Variants in ADGRF1 observed in about 807,000 individuals in gnomAD.
The protein encoded by ADGRF1 is G protein-coupled receptor 110.
A neutral mutation model predicts 87.2 loss-of-function variants in ADGRF1; 85 were observed. The ratio of observed to expected loss-of-function variants is 0.97; its 90% CI spans 0.82 to 1.17. The LOEUF is 1.17. Ranked by LOEUF, ADGRF1 falls within the 50% of genes most tolerant of loss-of-function variation. The pLI, the probability that ADGRF1 is intolerant of heterozygous loss-of-function variation, is 0.00. For missense variants in ADGRF1, 1,169 were observed against 1,077.2 expected, an observed-to-expected ratio of 1.09 and a Z score of -1.19; for synonymous variants, 430 against 408.8, an observed-to-expected ratio of 1.05 and a Z score of -0.63.
Position 46,997,760 on chromosome 6 carries a change from A to G in ADGRF1, c.*2462T>C, listed in dbSNP as rs896246211. On this transcript the variant is annotated 3_prime_UTR_variant, in exon 15 of 15. Coordinates refer to ENST00000371253, the MANE Select transcript of ADGRF1 (RefSeq NM_153840.4). ...TTTAGTAGCATTTTGAGGTGAATGT[A>G]TGCATAATCAGTGAATTAGACAAGC... 1 of 152,218 alleles carries G rather than the reference A, an allele frequency of 6.6e-6. No homozygotes were observed. Among genetic ancestry groups the G allele is most frequent in the African/African-American group, 2.4e-5 (1 of 41,452 alleles). The allele number at this position is 152,218 out of a possible 1,614,324, so 9.4% of individuals were successfully genotyped here.
Position 47,005,908 on chromosome 6 carries a change from T to C in ADGRF1, c.2533-32A>G, listed in dbSNP as rs749025633. 1.0e-5 allele frequency: 15 copies of C among 1,471,344 alleles called. 1 individual carries two copies. In the South Asian group the frequency reaches 1.0e-4, roughly 10 times the overall value. The allele number at this position is 1,471,344 out of a possible 1,614,324, so 91.1% of individuals were successfully genotyped here. On this transcript the variant is annotated intron_variant, in intron 12 of 14. Transcript: ENST00000371253. ...GGGCAACAAAGAAATATTGAGGAGA[T>C]ACACATACAATCATACACAGACAAA... is the stretch of plus-strand genomic sequence containing the variant.
Position 47,009,468 on chromosome 6 carries a change from A to T in ADGRF1, c.1967T>A (p.Val656Asp), listed in dbSNP as rs1779631142. The T allele has an allele frequency of 6.2e-7, 1 of 1,613,698 alleles. No homozygotes were observed. Among genetic ancestry groups the T allele is most frequent in the Non-Finnish European group, 8.5e-7 (1 of 1,179,930 alleles). The change falls in exon 11 of 15, where the codon GTC (valine) becomes GAC (aspartate). Residue 656 changes from valine to aspartate, a missense_variant. Transcript: ENST00000371253. ...TGTAAAGAACACAGCAGCTGTGCAG[A>T]CTCCAGAAGGGTTCACCGTGGTGTC... Reference protein sequence around the residue: ...TVDTTVNPSGVCTAAVFFTHF... With the variant: ...TVDTTVNPSGDCTAAVFFTHF...
intron 1 of ADGRF1, among the ~76,000 whole-genome samples, chr6:47,031,351 GTC>G (rs374462680): frequency 0.26 from 28,706 of 110,528 alleles, 3,019 homozygotes; most frequent in South Asian, 0.3. Context: ...CTCTCTCTCT[GTC>G]TCTCTCTCTC....
intron 7 of ADGRF1, chr6:47,020,517 A>AT (rs11433059): frequency 2.3e-5 from 34 of 1,502,670 alleles, no homozygotes; most frequent in Non-Finnish European, 2.9e-5. Context: ...AAAAAAAAAA[A>AT]TTTAAGGTCC....
chr6:47,019,233 G>A (rs1779966869), intron 7 of ADGRF1: 1 of 895,668 alleles, frequency 1.1e-6, no homozygotes, highest in African/African-American at 1.8e-5. Context: ...TCACAGAAAA[G>A]AAAAATATGA....
chr6:47,020,706 C>T (rs1326302686), intron 7 of ADGRF1, 25 bp downstream of exon 7: 1 of 1,611,512 alleles, frequency 6.2e-7, no homozygotes, highest in African/African-American at 1.3e-5. Flanking sequence ...TGGGGATGCC[C>T]TTCTAAGACC....
chr6:47,010,111 T>G lies in ADGRF1; in HGVS notation c.1324A>C (p.Lys442Gln). Residue 442 changes from lysine (K) to glutamine (Q), a missense_variant, in exon 11 of 15, where the codon AAA becomes CAA. Transcript: ENST00000371253. Reference protein sequence around the residue: ...KGIPVNKSQLKRGYSYQIKMC... With the variant: ...KGIPVNKSQLQRGYSYQIKMC... ...TTAATCTGATAGCTGTAACCCCTTT[T>G]GAGTTGGCTTTTGTTCACTGGAATC... 2 of 1,614,182 alleles carry G rather than the reference T, an allele frequency of 1.2e-6. No individual in the cohort carries two copies. The highest frequency in any genetic ancestry group is 4.5e-5 in the East Asian group (2 of 44,870).
Position 47,026,074 on chromosome 6 carries a change from A to G in ADGRF1, c.128-71T>C. 3.7e-6 allele frequency: 5 copies of G among 1,347,344 alleles called. No individual in the cohort carries two copies. The South Asian group carries it at 5.9e-5, about 16-fold the overall frequency. The allele number at this position is 1,347,344 out of a possible 1,614,324, so 83.5% of individuals were successfully genotyped here. ...GAAAATATTGCTGAGGAAGTGACTGAGAAACAATCATCAAATTTAGGTCAG... is the reference window on the plus strand; with the variant it reads ...GAAAATATTGCTGAGGAAGTGACTGGGAAACAATCATCAAATTTAGGTCAG... On this transcript the variant is annotated intron_variant, in intron 3 of 14. Coordinates refer to ENST00000371253, the MANE Select transcript of ADGRF1 (RefSeq NM_153840.4).
chr6:47,024,025 A>G lies in ADGRF1; in HGVS notation c.451+19T>C. 1.2e-6 allele frequency: 2 copies of G among 1,609,380 alleles called. No individual in the cohort carries two copies. Among genetic ancestry groups the G allele is most frequent in the Non-Finnish European group, 1.7e-6 (2 of 1,177,052 alleles). ...TGGGGTGGGAGAAGCCCCAGCCCAG[A>G]GCATTCTTAGTTGCTTACTTGTTCT... On this transcript the variant is annotated intron_variant, in intron 5 of 14. Transcript: ENST00000371253.
chr6:47,016,230 G>A (rs1298311547), intron 8 of ADGRF1, among the ~76,000 whole-genome samples: 3 of 152,124 alleles, frequency 2.0e-5, no homozygotes, highest in African/African-American at 2.4e-5. Flanking sequence ...GTGTGTGTGC[G>A]TGTCTGTCTG....
At position 47,009,689 on chromosome 6, in the gene ADGRF1, G is replaced by C. The variant is rs1467086364; in HGVS notation, c.1746C>G (p.Phe582Leu). Reference protein sequence around the residue: ...LMSPFVPSTIFPVVKWITYVG... With the variant: ...LMSPFVPSTILPVVKWITYVG... ...CATAGGTGATCCATTTTACAACGGG[G>C]AAGATTGTAGAGGGGACAAAAGGTG... Residue 582 changes from phenylalanine (F) to leucine (L), a missense_variant, in exon 11 of 15, where the codon TTC becomes TTG. Transcript: ENST00000371253. 6.2e-7 allele frequency: 1 copy of C among 1,614,184 alleles called. No individual in the cohort carries two copies.
At chr6:47,042,014 G>A (rs1047778238) in intron 1 of ADGRF1, among the ~76,000 whole-genome samples, 177 bp downstream of exon 1, 4 of 152,094 alleles carry the variant, frequency 2.6e-5, no homozygotes, top group African/African-American at 9.7e-5. Flanking sequence ...GTTGAAATCT[G>A]TTGTTTCTGC....
chr6:47,009,063 T>C lies in ADGRF1; in HGVS notation c.2372A>G (p.Lys791Arg). The change falls in exon 11 of 15, where the codon AAG becomes AGG. Residue 791 changes from lysine to arginine, a missense_variant. Coordinates refer to ENST00000371253, the MANE Select transcript of ADGRF1 (RefSeq NM_153840.4). ...DDKATIIRVGKSLLILTPLLG... is the reference protein window; with the variant it reads ...DDKATIIRVGRSLLILTPLLG... ...CAGAGGGGTCAGAATGAGGAGGCTC[T>C]TCCCCACGCGGATGATGGTGGCCTT... 6.2e-7 allele frequency: 1 copy of C among 1,614,118 alleles called. No individual in the cohort carries two copies. Among genetic ancestry groups the C allele is most frequent in the Non-Finnish European group, 8.5e-7 (1 of 1,180,010 alleles).
chr6:47,009,419 G>A lies in ADGRF1; in HGVS notation c.2016C>T (p.Phe672=), dbSNP rs745392518. The A allele has an allele frequency of 2.5e-6, 4 of 1,613,942 alleles. No homozygotes were observed. The South Asian group carries it at 4.4e-5, about 18-fold the overall frequency. The change falls in exon 11 of 15, where the codon TTC becomes TTT. Residue 672 remains phenylalanine (F), a synonymous_variant. Coordinates refer to ENST00000371253, the MANE Select transcript of ADGRF1 (RefSeq NM_153840.4). Reference sequence around the variant, plus strand: ...GGATGCCAAGCATGAGCATCCAGAAGAACAAAGAGAGGTAGAAGAAGTGTG... The same window carrying A: ...GGATGCCAAGCATGAGCATCCAGAAAAACAAAGAGAGGTAGAAGAAGTGTG... ...FFTHFFYLSL[F]FWMLMLGILL...
intron 6 of ADGRF1, 70 bp downstream of exon 6, chr6:47,021,888 T>G (rs574133523): frequency 2.3e-4 from 186 of 817,692 alleles, no homozygotes; most frequent in Admixed American, 5.0e-4. Flanking sequence ...TAAATATACA[T>G]GCTGAATTGA....
At chr6:47,026,566 C>T (rs1005071300) in intron 3 of ADGRF1, among the ~76,000 whole-genome samples, 7 of 152,170 alleles carry the variant, frequency 4.6e-5, no homozygotes, top group Non-Finnish European at 8.8e-5. Flanking sequence ...TCCAGCTCAT[C>T]ATTTCTGCAC....
chr6:47,007,228 T>C, intron 12 of ADGRF1, 25 bp downstream of exon 12: 1 of 1,486,120 alleles, frequency 6.7e-7, no homozygotes, highest in Non-Finnish European at 9.3e-7. Context: ...GGCTAGGGGT[T>C]AATGAGAGAA....
At chr6:47,017,425 C>G (rs1779916436) in intron 7 of ADGRF1, 1 of 152,174 alleles carries the variant, frequency 6.6e-6, no homozygotes, top group Non-Finnish European at 1.5e-5. Flanking sequence ...TAGGAAAGAG[C>G]TGGTGGTGGC....
intron 10 of ADGRF1, among the ~76,000 whole-genome samples, chr6:47,010,780 G>T (rs1779682665): frequency 6.6e-6 from 1 of 152,122 alleles, no homozygotes; most frequent in East Asian, 1.9e-4. Flanking sequence ...AAATTTTTAG[G>T]TTTCTTGTTT....
Sources: gnomAD v4.1 joint callset for allele counts (sites outside exome capture counted in the v4.1 genomes callset) on GRCh38, gnomAD v4.1.1 for gene constraint, MANE v1.5 for transcripts, NCBI Gene and HGNC (gene_info 2026-07-23, HGNC 2026-07-21) for gene names.